Variants in PUM2 observed in about 807,000 individuals in gnomAD.
PUM2 encodes pumilio RNA binding family member 2, also known as pumilio homolog 2.
A neutral mutation model predicts 124.5 loss-of-function variants in PUM2; 57 were observed. The observed-to-expected ratio is 0.46, with a 90% CI of 0.37 to 0.57. The LOEUF (loss-of-function observed/expected upper bound fraction) is 0.57. PUM2 is among the 20% of genes least tolerant of loss of function. The pLI is 0.00. For synonymous variants in PUM2, 460 were observed against 446.1 expected (o/e 1.03, Z -0.39); for missense variants, 1,065 against 1,290.6 (o/e 0.83, Z 2.68).
At chr2:20,321,460 T>C (rs962130792) in intron 2 of PUM2, among the ~76,000 whole-genome samples, 3 of 152,098 alleles carry the variant, frequency 2.0e-5, no homozygotes, top group Non-Finnish European at 2.9e-5. Context: ...AATTTAATAG[T>C]TGAAATTAAC....
chr2:20,326,229 G>A, intron 2 of PUM2: 1 of 1,284,970 alleles, frequency 7.8e-7, no homozygotes, highest in Admixed American at 2.4e-5. Context: ...AATTTATTTT[G>A]GCAATACTTA....
At chr2:20,319,293 T>C (rs1334743635) in intron 2 of PUM2, among the ~76,000 whole-genome samples, 1 of 152,258 alleles carries the variant, frequency 6.6e-6, no homozygotes, top group Non-Finnish European at 1.5e-5. Flanking sequence ...ACAATTCTTA[T>C]TCTTTAATAT....
chr2:20,258,761 G>A (rs951751960), intron 15 of PUM2, among the ~76,000 whole-genome samples: 10 of 144,284 alleles, frequency 6.9e-5, no homozygotes, highest in African/African-American at 1.8e-4. Context: ...TCTGCTTCCC[G>A]GGTTCACGCC....
intron 13 of PUM2, among the ~76,000 whole-genome samples, chr2:20,271,209 A>C (rs1250285587): frequency 1.3e-5 from 2 of 152,230 alleles, no homozygotes; most frequent in Admixed American, 1.3e-4. Context: ...GTCTAATAAA[A>C]CTATAGAAAA....
rs1668397654 is a variant in PUM2, at chr2:20,269,054, C to T, written c.1958-5594G>A. On this transcript the variant is annotated intron_variant, in intron 13 of 20. Transcript: ENST00000361078. Reference sequence around the variant, plus strand: ...AATAATTAGGCTGAATTTTTGTTTACCATTATGTCTAAAAAATTCATGTAA... The same window carrying T: ...AATAATTAGGCTGAATTTTTGTTTATCATTATGTCTAAAAAATTCATGTAA... Among the ~76,000 whole-genome samples the T allele has an allele frequency of 2.6e-5, 4 of 152,012 alleles. No homozygotes were observed. In the South Asian group the frequency reaches 8.3e-4, roughly 32 times the overall value.
intron 16 of PUM2, 114 bp downstream of exon 16, chr2:20,258,129 A>T: frequency 1.1e-6 from 1 of 938,872 alleles, no homozygotes; most frequent in Non-Finnish European, 1.5e-6. Context: ...ATTTTAGTCT[A>T]GTTGTGGAAA....
intron 3 of PUM2, among the ~76,000 whole-genome samples, chr2:20,318,040 G>A (rs1681419562): frequency 6.6e-6 from 1 of 152,006 alleles, no homozygotes; most frequent in Non-Finnish European, 1.5e-5. Flanking sequence ...ATATTCCTTG[G>A]GGTATATACC....
rs200294801 is a variant in PUM2, at chr2:20,261,394, CAAAAAAA to C, written c.2226-935_2226-929del. ...AAGCGACAGAGTGAGACTCTGTCTC[CAAAAAAA>C]AAAAAAAAAAAAAAAAAAAAAGTGT... On this transcript the variant is annotated intron_variant, in intron 14 of 20. Transcript: ENST00000361078. 9.5e-4 allele frequency among the ~76,000 whole-genome samples: 73 copies of C among 76,772 alleles called. 2 individuals are homozygous for C. The highest frequency in any genetic ancestry group is 1.2e-3 in the Non-Finnish European group (44 of 36,894). The allele number at this position is 76,772 out of a possible 152,430, so 50.4% of individuals were successfully genotyped here.
chr2:20,302,733 T>A (rs1039837304), intron 7 of PUM2, among the ~76,000 whole-genome samples: 1 of 152,230 alleles, frequency 6.6e-6, no homozygotes, highest in African/African-American at 2.4e-5. Context: ...CAGTGACTAA[T>A]GAAAATTCTT....
chr2:20,289,034 T>C (rs572016650), intron 10 of PUM2, among the ~76,000 whole-genome samples: 109 of 152,246 alleles, frequency 7.2e-4, no homozygotes, highest in Non-Finnish European at 4.3e-4. Context: ...GGCTCACATC[T>C]GTAATCCCAG....
intron 8 of PUM2, among the ~76,000 whole-genome samples, chr2:20,294,846 A>AT (rs1675139553): frequency 6.6e-6 from 1 of 152,336 alleles, no homozygotes; most frequent in East Asian, 1.9e-4. Context: ...TAAAACTAAG[A>AT]TTTTTTAAAT....
intron 13 of PUM2, among the ~76,000 whole-genome samples, chr2:20,271,178 AT>A (rs1412826588): frequency 1.3e-5 from 2 of 152,208 alleles, no homozygotes; most frequent in African/African-American, 4.8e-5. Flanking sequence ...AACAATTTTA[AT>A]CACATAATTC....
chr2:20,272,155 AAATG>A (rs60522777), intron 13 of PUM2, among the ~76,000 whole-genome samples: 85 of 148,284 alleles, frequency 5.7e-4, no homozygotes, highest in South Asian at 1.5e-3. Flanking sequence ...AGACTTCGTC[AAATG>A]AATGAATGAA....
chr2:20,294,570 C>T (rs936916599), intron 8 of PUM2, 52 bp from the exon 9 acceptor site: 3 of 1,533,532 alleles, frequency 2.0e-6, no homozygotes, highest in Non-Finnish European at 2.6e-6. Flanking sequence ...TTTACATAGA[C>T]ATGAGGTTAG....
chr2:20,309,507 T>G (rs529743494), intron 5 of PUM2, among the ~76,000 whole-genome samples: 1 of 152,208 alleles, frequency 6.6e-6, no homozygotes, highest in East Asian at 1.9e-4. Flanking sequence ...GGACTAAATT[T>G]TAAGCACTGG....
intron 17 of PUM2, 104 bp from the exon 18 acceptor site, chr2:20,255,445 C>T: frequency 8.4e-7 from 1 of 1,188,300 alleles, no homozygotes; most frequent in African/African-American, 1.6e-5. Flanking sequence ...CACCTAAAAG[C>T]AGTTTGAAAT....
At chr2:20,319,566 G>C (rs1020987876) in intron 2 of PUM2, among the ~76,000 whole-genome samples, 5 of 152,142 alleles carry the variant, frequency 3.3e-5, no homozygotes, top group African/African-American at 1.2e-4. Flanking sequence ...CACCTTTAGA[G>C]AGCTCACAAA....
intron 3 of PUM2, among the ~76,000 whole-genome samples, chr2:20,314,789 T>C (rs1408708083): frequency 6.6e-6 from 1 of 152,210 alleles, no homozygotes; most frequent in Non-Finnish European, 1.5e-5. Flanking sequence ...TTCTCTTGTA[T>C]GCTAAGCAAT....
intron 10 of PUM2, among the ~76,000 whole-genome samples, chr2:20,288,863 T>C (rs907666311): frequency 1.3e-5 from 2 of 152,228 alleles, no homozygotes; most frequent in Admixed American, 6.5e-5. Context: ...GAGGGGATCA[T>C]GTGAACAGCC....
Sources: allele counts gnomAD v4.1 joint callset (sites outside exome capture counted in the v4.1 genomes callset), GRCh38; gene constraint gnomAD v4.1.1; transcripts MANE v1.5; gene names NCBI Gene and HGNC (gene_info 2026-07-23, HGNC 2026-07-21).